The following LMX1A variants were observed in gnomAD, a reference collection of about 807,000 sequenced individuals.
LMX1A encodes LIM homeobox transcription factor 1 alpha, also known as LIM homeobox transcription factor 1-alpha.
LMX1A carries 15 observed loss-of-function variants against 49.1 expected under a neutral mutation model. The observed-to-expected ratio is 0.31, with a 90% confidence interval of 0.20 to 0.47. LMX1A has a LOEUF of 0.47. LMX1A is among the 20% of genes least tolerant of loss of function. The pLI is 1.00. For synonymous variants in LMX1A, 167 were observed against 185.7 expected (o/e 0.90, Z 0.82); for missense variants, 372 against 475.8 (o/e 0.78, Z 2.03).
intron 4 of LMX1A, among the ~76,000 whole-genome samples, chr1:165,247,054 C>CTTTTTTTT (rs71097567): frequency 0.01 from 548 of 53,208 alleles, 129 homozygotes; most frequent in African/African-American, 0.018. Context: ...TCAGCTTTTT[C>CTTTTTTTT]TTTTTTTTTT....
intron 3 of LMX1A, among the ~76,000 whole-genome samples, chr1:165,314,903 A>G (rs1655177209): frequency 6.6e-6 from 1 of 152,192 alleles, no homozygotes; most frequent in African/African-American, 2.4e-5. Context: ...GAGCACAGCA[A>G]TCACAGGCAG....
intron 3 of LMX1A, among the ~76,000 whole-genome samples, chr1:165,336,483 T>G (rs559074523): frequency 4.6e-5 from 7 of 152,188 alleles, no homozygotes; most frequent in Non-Finnish European, 1.0e-4. Context: ...TTCCCCTTCC[T>G]TTTTGGCCTC....
chr1:165,314,445 C>T (rs6666930), intron 3 of LMX1A, among the ~76,000 whole-genome samples: 1 of 152,072 alleles, frequency 6.6e-6, no homozygotes, highest in Non-Finnish European at 1.5e-5. Context: ...TAAGATCTGA[C>T]AGGAGACAGG....
intron 3 of LMX1A, among the ~76,000 whole-genome samples, chr1:165,330,761 C>T (rs1245040719): frequency 6.6e-6 from 1 of 152,148 alleles, no homozygotes; most frequent in African/African-American, 2.4e-5. Context: ...ACAACCAGGG[C>T]ACCGAATCTG....
At position 165,203,280 on chromosome 1, in the gene LMX1A, C is replaced by T. The variant is rs1650922503; in HGVS notation, c.*600G>A. ...ATGGGGCTAGGTGGAGCAGCCCTCTCTGCCCTGCTGACAAGTCTTGTCAAG... is the reference window on the plus strand; with the variant it reads ...ATGGGGCTAGGTGGAGCAGCCCTCTTTGCCCTGCTGACAAGTCTTGTCAAG... On this transcript the variant is annotated 3_prime_UTR_variant, in exon 9 of 9. Transcript: ENST00000342310. 6.5e-6 allele frequency: 1 copy of T among 152,714 alleles called. No individual in the cohort carries two copies. The highest frequency in any genetic ancestry group is 1.5e-5 in the Non-Finnish European group (1 of 68,094). 9.5% of individuals were successfully genotyped at this position (152,714 alleles called of 1,614,324 possible).
chr1:165,230,812 C>T (rs1201277695), intron 4 of LMX1A, among the ~76,000 whole-genome samples: 1 of 152,178 alleles, frequency 6.6e-6, no homozygotes, highest in African/African-American at 2.4e-5. Flanking sequence ...AGTCTCTTGG[C>T]TCAGGTCCAG....
chr1:165,297,806 C>A (rs758114340), intron 3 of LMX1A, among the ~76,000 whole-genome samples: 1 of 152,146 alleles, frequency 6.6e-6, no homozygotes, highest in Non-Finnish European at 1.5e-5. Flanking sequence ...TTGGAGTCAG[C>A]GTAACTGAGC....
intron 3 of LMX1A, among the ~76,000 whole-genome samples, chr1:165,343,671 G>A (rs1656150427): frequency 6.6e-6 from 1 of 152,076 alleles, no homozygotes; most frequent in African/African-American, 2.4e-5. Flanking sequence ...CTATGAATAT[G>A]GGTTTTTGAA....
At chr1:165,213,421 T>A (rs1287267770) in intron 5 of LMX1A, 1 of 464,574 alleles carries the variant, frequency 2.2e-6, no homozygotes, top group African/African-American at 2.0e-5. Context: ...CCATTTGGAG[T>A]TGGTGTGCAT....
intron 3 of LMX1A, among the ~76,000 whole-genome samples, chr1:165,265,822 G>T (rs549227596): frequency 1.2e-4 from 19 of 152,236 alleles, no homozygotes; most frequent in African/African-American, 4.6e-4. Context: ...CCACAACACA[G>T]CTTCACCAAC....
intron 3 of LMX1A, among the ~76,000 whole-genome samples, chr1:165,318,388 A>T (rs1557882954): frequency 6.6e-6 from 1 of 152,182 alleles, no homozygotes; most frequent in Non-Finnish European, 1.5e-5. Flanking sequence ...TGACTTGTTC[A>T]TGTTGGCAGA....
intron 3 of LMX1A, among the ~76,000 whole-genome samples, chr1:165,326,715 C>T (rs1655592000): frequency 6.6e-6 from 1 of 152,194 alleles, no homozygotes; most frequent in Non-Finnish European, 1.5e-5. Flanking sequence ...CCCTCTTCAT[C>T]CTGTTTCCTG....
At chr1:165,244,626 A>AT (rs1652776866) in intron 4 of LMX1A, among the ~76,000 whole-genome samples, 2 of 152,076 alleles carry the variant, frequency 1.3e-5, no homozygotes, top group Admixed American at 1.3e-4. Context: ...AGAAAAAGCA[A>AT]TTTTTTATTT....
chr1:165,329,632 CA>C (rs34872443), intron 3 of LMX1A, among the ~76,000 whole-genome samples: 10,283 of 130,180 alleles, frequency 0.079, 513 homozygotes, highest in South Asian at 0.2. Context: ...CCCGCCACTG[CA>C]AAAAAAAAAA....
chr1:165,306,804 T>G (rs1654931729), intron 3 of LMX1A, among the ~76,000 whole-genome samples: 1 of 152,194 alleles, frequency 6.6e-6, no homozygotes, highest in Non-Finnish European at 1.5e-5. Flanking sequence ...GGCTAGTGGT[T>G]TGGCTGCCTC....
intron 4 of LMX1A, among the ~76,000 whole-genome samples, chr1:165,225,608 G>A (rs141820185): frequency 1.8e-4 from 28 of 152,340 alleles, no homozygotes; most frequent in Non-Finnish European, 3.2e-4. Flanking sequence ...CCGAACCTAA[G>A]ACCGCTGTAA....
rs762263430 is a variant in LMX1A, at chr1:165,203,908, G to A, written c.1121C>T (p.Ser374Phe). 3 of 1,614,000 alleles carry A rather than the reference G, an allele frequency of 1.9e-6. No homozygotes were observed. Among genetic ancestry groups the A allele is most frequent in the South Asian group, 1.1e-5 (1 of 91,082 alleles). ...AGATGTGAAGTAAGAATTCTGCATG[G>A]AGTACAGATGGTCAATGGGGTTTCC... The part of the protein sequence containing the change: ...RVGNPIDHLY[S>F]MQNSYFTS The change falls in exon 9 of 9, where the codon TCC (serine) becomes TTC (phenylalanine). Residue 374 changes from serine to phenylalanine, a missense_variant. Ser to Phe is a radical substitution (Grantham distance 155). This residue lies in a region of LMX1A where 127 missense variants were observed against 138.0 expected (regional missense o/e 0.92). Coordinates refer to ENST00000342310, the MANE Select transcript of LMX1A (RefSeq NM_177398.4).
chr1:165,205,722 C>T lies in LMX1A; in HGVS notation c.988+142G>A, dbSNP rs16841013. ...CTTTCTCCTGTAGTCATTGGTTAGGCGATTCTGGCAGTATTTTGTAGGGCA... is the reference window on the plus strand; with the variant it reads ...CTTTCTCCTGTAGTCATTGGTTAGGTGATTCTGGCAGTATTTTGTAGGGCA... On this transcript the variant is annotated intron_variant, in intron 8 of 8. Transcript: ENST00000342310. 177,417 of 706,182 alleles carry T rather than the reference C, an allele frequency of 0.25. 25,746 individuals are homozygous for T. The highest frequency in any genetic ancestry group is 0.47 in the East Asian group (17,507 of 36,988). The allele number at this position is 706,182 out of a possible 1,614,324, so 43.7% of individuals were successfully genotyped here.
intron 3 of LMX1A, among the ~76,000 whole-genome samples, chr1:165,251,792 CT>C (rs1221969062): frequency 6.6e-6 from 1 of 152,148 alleles, no homozygotes; most frequent in Non-Finnish European, 1.5e-5. Context: ...TCTGTGCCCC[CT>C]AGCCTGAAGT....
Sources: gnomAD v4.1 joint callset for allele counts (sites outside exome capture counted in the v4.1 genomes callset) on GRCh38, gnomAD v4.1.1 for gene constraint, gnomAD v4.1.1 regional missense constraint, MANE v1.5 for transcripts, NCBI Gene and HGNC (gene_info 2026-07-23, HGNC 2026-07-21) for gene names.